The following CSMD3 variants were observed in gnomAD, a reference collection of about 807,000 sequenced individuals.
CSMD3 encodes the protein CUB and sushi domain-containing protein 3.
In CSMD3, 177 loss-of-function variants were observed where a neutral mutation model predicts 435.2. That is an observed-to-expected ratio of 0.41 (90% confidence interval 0.36 to 0.46). CSMD3 has a LOEUF of 0.46. Among genes scored for constraint, CSMD3 ranks in the 20% least tolerant of loss-of-function variants. The pLI is 0.34. For synonymous variants in CSMD3, 1,656 were observed against 1,520.5 expected (o/e 1.09, Z -2.07); for missense variants, 4,265 against 4,504.6 (o/e 0.95, Z 1.52).
rs557846199 is a variant in CSMD3, at chr8:112,253,914, C to G, written c.10110+339G>C. On this transcript the variant is annotated intron_variant, in intron 63 of 70. Coordinates refer to ENST00000297405, the MANE Select transcript of CSMD3 (RefSeq NM_198123.2). The stretch of plus-strand genomic sequence containing the variant: ...ACTCTTTTATCTTTACTTTTCTTCA[C>G]TGTCCCCATATCTTCCTGTAGAGTT... Among the ~76,000 whole-genome samples the G allele has an allele frequency of 3.3e-5, 5 of 152,100 alleles. No homozygotes were observed. In the East Asian group the frequency reaches 9.7e-4, roughly 29 times the overall value.
rs139416154 is a variant in CSMD3 at position 112,784,878 on chromosome 8, T to C, written c.1972+15284A>G. On this transcript the variant is annotated intron_variant, in intron 13 of 70. Transcript: ENST00000297405. ...ATCTTACTCAAAGTAGTCCAAAAAATAGAGGATGAGGGTATATGTCCAAAC... is the reference window on the plus strand; with the variant it reads ...ATCTTACTCAAAGTAGTCCAAAAAACAGAGGATGAGGGTATATGTCCAAAC... Among the ~76,000 whole-genome samples the C allele has an allele frequency of 4.5e-3, 690 of 152,038 alleles. 10 individuals carry two copies. Among genetic ancestry groups the C allele is most frequent in the African/African-American group, 0.016 (667 of 41,518 alleles).
intron 5 of CSMD3, among the ~76,000 whole-genome samples, chr8:113,061,721 T>G (rs1311811766): frequency 6.6e-6 from 1 of 152,004 alleles, no homozygotes; most frequent in Non-Finnish European, 1.5e-5. Context: ...GCATTTTTAT[T>G]TAATGTTGTT....
chr8:112,303,712 A>G (rs1222017650), intron 52 of CSMD3, among the ~76,000 whole-genome samples: 1 of 152,182 alleles, frequency 6.6e-6, no homozygotes, highest in East Asian at 1.9e-4. Flanking sequence ...TTCTATACTG[A>G]TATAGAGATT....
chr8:112,833,653 T>A (rs946215428), intron 11 of CSMD3, among the ~76,000 whole-genome samples: 1 of 151,872 alleles, frequency 6.6e-6, no homozygotes, highest in African/African-American at 2.4e-5. Flanking sequence ...AAATTGTACC[T>A]CATTTAAGAG....
rs187663608 is a variant in CSMD3 at position 112,909,292 on chromosome 8, T to C, written c.1633+12335A>G. Among the ~76,000 whole-genome samples, 4 of 151,738 alleles carry C rather than the reference T, an allele frequency of 2.6e-5. No homozygotes were observed. The Admixed American group carries it at 2.6e-4, about 10-fold the overall frequency. ...GAGAAACACAAGAAGTCATCCAAGA[T>C]GTCTCCTTTTTCCTTGCCCCAAACT... On this transcript the variant is annotated intron_variant, in intron 10 of 70. Coordinates refer to ENST00000297405, the MANE Select transcript of CSMD3 (RefSeq NM_198123.2).
At chr8:113,239,974 T>C (rs537566138) in intron 3 of CSMD3, among the ~76,000 whole-genome samples, 193 of 152,172 alleles carry the variant, frequency 1.3e-3, no homozygotes, top group Non-Finnish European at 2.4e-3. Context: ...TAGTACTCAT[T>C]AGTAATTTTT....
At chr8:112,290,636 A>T (rs1398038224) in intron 56 of CSMD3, among the ~76,000 whole-genome samples, 2 of 152,046 alleles carry the variant, frequency 1.3e-5, no homozygotes, top group Non-Finnish European at 2.9e-5. Flanking sequence ...CCTCATGAAC[A>T]TAAAAAAATC....
At chr8:112,548,609 C>T (rs932336626) in intron 27 of CSMD3, among the ~76,000 whole-genome samples, 3 of 152,004 alleles carry the variant, frequency 2.0e-5, no homozygotes, top group African/African-American at 7.2e-5. Context: ...TCTTATATGG[C>T]TTTTGTGAGA....
intron 10 of CSMD3, among the ~76,000 whole-genome samples, chr8:112,915,198 A>G (rs2082538317): frequency 6.6e-6 from 1 of 151,910 alleles, no homozygotes; most frequent in Admixed American, 6.6e-5. Context: ...TTAGCTTTTC[A>G]TTTGTTCATC....
At chr8:113,143,642 C>T (rs1407439484) in intron 4 of CSMD3, among the ~76,000 whole-genome samples, 1 of 151,338 alleles carries the variant, frequency 6.6e-6, no homozygotes, top group African/African-American at 2.4e-5. Context: ...ACTATTGATA[C>T]ATGCAAAAAT....
chr8:112,388,853 T>G (rs1830178229), intron 36 of CSMD3, among the ~76,000 whole-genome samples: 1 of 152,132 alleles, frequency 6.6e-6, no homozygotes, highest in Non-Finnish European at 1.5e-5. Context: ...GAGAGTAAAG[T>G]GAAATGAACA....
At chr8:112,420,243 C>A (rs1226055781) in intron 32 of CSMD3, among the ~76,000 whole-genome samples, 1 of 152,134 alleles carries the variant, frequency 6.6e-6, no homozygotes. Context: ...CAACATTATG[C>A]CAATCTTGTT....
chr8:113,401,617 T>C (rs764557953), intron 1 of CSMD3, among the ~76,000 whole-genome samples: 2 of 151,686 alleles, frequency 1.3e-5, no homozygotes, highest in Non-Finnish European at 3.0e-5. Context: ...TTTAAGATAT[T>C]TACTTTTATG....
chr8:112,451,319 G>A (rs1342788349), intron 32 of CSMD3, among the ~76,000 whole-genome samples: 3 of 151,490 alleles, frequency 2.0e-5, no homozygotes, highest in African/African-American at 7.3e-5. Context: ...AAAATAAGAG[G>A]AAATGGCACG....
At chr8:112,785,037 A>G (rs2078501748) in intron 13 of CSMD3, among the ~76,000 whole-genome samples, 1 of 152,044 alleles carries the variant, frequency 6.6e-6, no homozygotes, top group South Asian at 2.1e-4. Flanking sequence ...AACCTAATTC[A>G]ACAATGCATT....
At chr8:113,027,882 A>G (rs1464696889) in intron 5 of CSMD3, among the ~76,000 whole-genome samples, 1 of 152,126 alleles carries the variant, frequency 6.6e-6, no homozygotes, top group African/African-American at 2.4e-5. Flanking sequence ...AACATGCTTC[A>G]GAAAAATCTA....
At chr8:113,030,763 T>A (rs1449559938) in intron 5 of CSMD3, among the ~76,000 whole-genome samples, 1 of 151,398 alleles carries the variant, frequency 6.6e-6, no homozygotes, top group African/African-American at 2.4e-5. Flanking sequence ...TGTTAATATA[T>A]CATACACTTG....
rs781013431 is a variant in CSMD3 at position 112,645,175 on chromosome 8, C to T, written c.3244G>A (p.Gly1082Ser). 2.5e-6 allele frequency: 4 copies of T among 1,609,196 alleles called. No individual in the cohort carries two copies. In the African/African-American group the frequency reaches 5.3e-5, roughly 22 times the overall value. ...RGPSGTILSP[G>S]YPEFYPNSLN... is the part of the protein sequence containing the mutation. ...GAATTTGGATAAAATTCCGGGTAAC[C>T]AGGTGATAAGATTGTTCCACTAGGC... The change falls in exon 20 of 71, where the codon GGT becomes AGT. Residue 1082 changes from glycine (G) to serine (S), a missense_variant. Gly to Ser is a moderately conservative substitution (Grantham distance 56). Around this residue, in one of 3 missense-constraint regions of CSMD3, gnomAD observed 3,255 missense variants for 3,380.2 expected, o/e 0.96. Transcript: ENST00000297405.
intron 68 of CSMD3, among the ~76,000 whole-genome samples, chr8:112,232,717 C>T (rs1282903731): frequency 2.6e-5 from 4 of 152,170 alleles, no homozygotes; most frequent in Non-Finnish European, 2.9e-5. Context: ...TTGTAGGATA[C>T]GTGACTTGTA....
Sources: allele counts gnomAD v4.1 joint callset (sites outside exome capture counted in the v4.1 genomes callset), GRCh38; gene constraint gnomAD v4.1.1; regional missense constraint gnomAD v4.1.1; transcripts MANE v1.5; gene names NCBI Gene and HGNC (gene_info 2026-07-23, HGNC 2026-07-21).